Variants in THADA observed in about 807,000 individuals in gnomAD.
The protein encoded by THADA is THADA armadillo repeat containing.
A neutral mutation model predicts 219.8 loss-of-function variants in THADA; 213 were observed. The ratio of observed to expected loss-of-function variants is 0.97; its 90% CI spans 0.87 to 1.09. The LOEUF (loss-of-function observed/expected upper bound fraction) is 1.09, where lower values mean the gene tolerates loss of function less well. THADA is among the 50% of genes least tolerant of loss of function. THADA has a pLI of 0.00. For synonymous variants in THADA, 1,018 were observed against 828.9 expected (o/e 1.23, Z -3.92); for missense variants, 2,956 against 2,311.3 (o/e 1.28, Z -5.72).
chr2:43,297,877 G>A (rs1446997144), intron 31 of THADA, among the ~76,000 whole-genome samples: 2 of 110,908 alleles, frequency 1.8e-5, no homozygotes, highest in African/African-American at 9.3e-5. Context: ...GGTGAGGGGC[G>A]CCTCTGCCCG....
At chr2:43,267,073 C>T in intron 36 of THADA, among the ~76,000 whole-genome samples, 1 of 152,138 alleles carries the variant, frequency 6.6e-6, no homozygotes, top group East Asian at 1.9e-4. Context: ...GGGCTTGCTT[C>T]CTAATGAAGT....
intron 35 of THADA, 53 bp downstream of exon 35, chr2:43,286,855 A>T (rs2104343977): frequency 6.4e-7 from 1 of 1,574,792 alleles, no homozygotes; most frequent in Non-Finnish European, 8.7e-7. Flanking sequence ...AAGAATATCT[A>T]TTCATATTTT....
chr2:43,530,353 T>A (rs1269897823), intron 21 of THADA, among the ~76,000 whole-genome samples: 1 of 152,186 alleles, frequency 6.6e-6, no homozygotes, highest in Non-Finnish European at 1.5e-5. Context: ...AACAGAATTA[T>A]CAAGGCTTAA....
chr2:43,294,615 G>C (rs913563673), intron 31 of THADA, among the ~76,000 whole-genome samples: 7 of 152,150 alleles, frequency 4.6e-5, no homozygotes, highest in African/African-American at 1.7e-4. Context: ...AATGCCACTG[G>C]GGGGTTATTT....
intron 26 of THADA, among the ~76,000 whole-genome samples, chr2:43,440,704 T>C (rs1420089749): frequency 6.6e-6 from 1 of 152,194 alleles, no homozygotes; most frequent in Admixed American, 6.5e-5. Context: ...AGTTATTAAT[T>C]TCCAGAGAAA....
At chr2:43,553,138 T>G (rs1436883807) in intron 17 of THADA, among the ~76,000 whole-genome samples, 1 of 152,224 alleles carries the variant, frequency 6.6e-6, no homozygotes, top group Non-Finnish European at 1.5e-5. Flanking sequence ...CACATTTTAT[T>G]TATCCATTCA....
chr2:43,457,214 T>A (rs999655504), intron 26 of THADA, among the ~76,000 whole-genome samples: 1 of 144,872 alleles, frequency 6.9e-6, no homozygotes, highest in Non-Finnish European at 1.5e-5. Flanking sequence ...TTAAAGGAGA[T>A]GAAAATGGCG....
chr2:43,581,073 C>T (rs1181965404), intron 8 of THADA, among the ~76,000 whole-genome samples: 1 of 152,116 alleles, frequency 6.6e-6, no homozygotes, highest in Non-Finnish European at 1.5e-5. Flanking sequence ...AAGGATAATT[C>T]AACTTTTTAT....
chr2:43,555,240 T>TA (rs201739414), intron 17 of THADA, among the ~76,000 whole-genome samples: 9 of 151,296 alleles, frequency 5.9e-5, no homozygotes, highest in Middle Eastern at 3.5e-3. Flanking sequence ...GCAATATTAT[T>TA]AAAAAAAAGA....
chr2:43,287,824 G>C (rs1278465382), intron 34 of THADA, among the ~76,000 whole-genome samples: 1 of 152,174 alleles, frequency 6.6e-6, no homozygotes, highest in Non-Finnish European at 1.5e-5. Context: ...GGAGTAACAG[G>C]TGATTAAGTT....
intron 27 of THADA, 85 bp downstream of exon 27, chr2:43,430,128 A>T: frequency 1.6e-6 from 1 of 638,620 alleles, no homozygotes; most frequent in East Asian, 3.3e-5. Context: ...ATTTTATTAA[A>T]AACAGCTGCC....
intron 34 of THADA, among the ~76,000 whole-genome samples, chr2:43,288,226 C>G (rs1315812098): frequency 6.6e-6 from 1 of 152,226 alleles, no homozygotes; most frequent in Non-Finnish European, 1.5e-5. Flanking sequence ...CAGGACCAGC[C>G]AGGCCAACAT....
chr2:43,360,940 G>A (rs1669442016), intron 29 of THADA, among the ~76,000 whole-genome samples: 1 of 152,216 alleles, frequency 6.6e-6, no homozygotes, highest in South Asian at 2.1e-4. Context: ...AACGTGGAAT[G>A]AGTTCATCCC....
At chr2:43,544,382 TGTAAA>T (rs1034971348) in intron 20 of THADA, among the ~76,000 whole-genome samples, 11 of 152,224 alleles carry the variant, frequency 7.2e-5, no homozygotes, top group African/African-American at 2.4e-4. Context: ...CCATATGAAC[TGTAAA>T]GTAGTTTTTT....
chr2:43,262,332 T>C (rs751088474), intron 36 of THADA, among the ~76,000 whole-genome samples: 1 of 152,320 alleles, frequency 6.6e-6, no homozygotes, highest in East Asian at 1.9e-4. Context: ...TTTCATCTGT[T>C]ATGAGGATGA....
intron 36 of THADA, among the ~76,000 whole-genome samples, chr2:43,262,927 C>G (rs977059710): frequency 6.6e-6 from 1 of 152,182 alleles, no homozygotes; most frequent in Non-Finnish European, 1.5e-5. Flanking sequence ...TTGAGACTGG[C>G]GTCCCCTCCC....
intron 20 of THADA, among the ~76,000 whole-genome samples, chr2:43,548,712 C>G (rs1377603284): frequency 1.3e-5 from 2 of 151,754 alleles, no homozygotes; most frequent in African/African-American, 2.4e-5. Context: ...GTTTTTTAAG[C>G]CCGTCGGAAA....
Position 43,390,750 on chromosome 2 carries a change from G to A in THADA, c.4227+7221C>T, listed in dbSNP as rs147212443. ...ACACTGAGAGCAGTAATCTTGGAGGGCAAGGATGTGTCTCTTCTGTTCTCT... is the reference window on the plus strand; with the variant it reads ...ACACTGAGAGCAGTAATCTTGGAGGACAAGGATGTGTCTCTTCTGTTCTCT... On this transcript the variant is annotated intron_variant, in intron 29 of 37. Coordinates refer to ENST00000405975, the MANE Select transcript of THADA (RefSeq NM_022065.5). Among the ~76,000 whole-genome samples, 8 of 152,312 alleles carry A rather than the reference G, an allele frequency of 5.3e-5. No homozygotes were observed. The East Asian group carries it at 1.3e-3, about 26-fold the overall frequency.
At chr2:43,344,075 A>G in intron 30 of THADA, 47 bp downstream of exon 30, 2 of 1,369,428 alleles carry the variant, frequency 1.5e-6, no homozygotes, top group African/African-American at 1.4e-5. Flanking sequence ...TCTCAAATGT[A>G]TTCCTAACCC....
Sources: gnomAD v4.1 joint callset for allele counts (sites outside exome capture counted in the v4.1 genomes callset) on GRCh38, gnomAD v4.1.1 for gene constraint, MANE v1.5 for transcripts, NCBI Gene and HGNC (gene_info 2026-07-23, HGNC 2026-07-21) for gene names.